Variants in STEAP3 observed in about 807,000 individuals in gnomAD.
The protein encoded by STEAP3 is metalloreductase STEAP3.
Under a neutral mutation model 34.9 loss-of-function variants are expected in STEAP3, and 35 were observed. That is an observed-to-expected ratio of 1.00 (90% confidence interval 0.76 to 1.33). The LOEUF is 1.33. STEAP3 is among the 40% of genes most tolerant of loss of function. The pLI is 0.00. For missense variants in STEAP3, 652 were observed against 667.6 expected (o/e 0.98, Z 0.26); for synonymous variants, 281 against 301.6 (o/e 0.93, Z 0.71).
At chr2:119,231,342 CGTGTGTGTGT>C (rs6146901) in intron 2 of STEAP3, among the ~76,000 whole-genome samples, 58,151 of 143,488 alleles carry the variant, frequency 0.41, 11,810 homozygotes, top group Admixed American at 0.52. Flanking sequence ...CACACAGTTG[CGTGTGTGTGT>C]GTGTGTGTGT....
At chr2:119,227,492 G>A (rs549335194) in intron 1 of STEAP3, among the ~76,000 whole-genome samples, 7 of 152,106 alleles carry the variant, frequency 4.6e-5, no homozygotes, top group East Asian at 3.9e-4. Flanking sequence ...CACAGTTACC[G>A]GGCAGCGTGG....
intron 4 of STEAP3, among the ~76,000 whole-genome samples, chr2:119,251,739 A>G (rs1677632272): frequency 6.6e-6 from 1 of 152,054 alleles, no homozygotes; most frequent in East Asian, 1.9e-4. Flanking sequence ...GTGACGTGTC[A>G]ACACTTGGGT....
chr2:119,259,524 C>G (rs1017211184), intron 5 of STEAP3, among the ~76,000 whole-genome samples: 1 of 152,198 alleles, frequency 6.6e-6, no homozygotes, highest in African/African-American at 2.4e-5. Context: ...GCTGTCTGCA[C>G]CATGGGATTT....
Position 119,263,478 on chromosome 2 carries a change from TG to T in STEAP3, c.*141del. On this transcript the variant is annotated 3_prime_UTR_variant, in exon 6 of 6. Transcript: ENST00000393110. Reference sequence around the variant, plus strand: ...GAGGTCCAAATTCCTGGGACTCAAATGTATGCAGTACTATTCAGAATGATAT... The same window carrying T: ...GAGGTCCAAATTCCTGGGACTCAAATTATGCAGTACTATTCAGAATGATAT... The T allele has an allele frequency of 9.7e-7, 1 of 1,034,730 alleles. No individual in the cohort carries two copies. The highest frequency in any genetic ancestry group is 1.6e-5 in the African/African-American group (1 of 63,348). 64.1% of individuals were successfully genotyped at this position (1,034,730 alleles called of 1,614,324 possible).
chr2:119,258,026 C>T (rs1416752619), intron 5 of STEAP3, among the ~76,000 whole-genome samples: 1 of 152,170 alleles, frequency 6.6e-6, no homozygotes, highest in Non-Finnish European at 1.5e-5. Flanking sequence ...GCTGCTTATA[C>T]TTATTGTTAC....
intron 3 of STEAP3, among the ~76,000 whole-genome samples, chr2:119,247,112 G>A (rs1677451854): frequency 6.6e-6 from 1 of 152,136 alleles, no homozygotes; most frequent in African/African-American, 2.4e-5. Flanking sequence ...GTGCCTGCAG[G>A]GGGACCTCGT....
At chr2:119,258,136 T>C (rs931725862) in intron 5 of STEAP3, among the ~76,000 whole-genome samples, 2 of 152,110 alleles carry the variant, frequency 1.3e-5, no homozygotes, top group African/African-American at 4.8e-5. Flanking sequence ...TTTTAGACCA[T>C]ATAGGGTAAC....
intron 1 of STEAP3, among the ~76,000 whole-genome samples, chr2:119,227,626 C>T (rs1679082122): frequency 6.6e-6 from 1 of 152,054 alleles, no homozygotes; most frequent in Admixed American, 6.6e-5. Context: ...TTATTAAACA[C>T]GTTAAAAAAA....
intron 1 of STEAP3, among the ~76,000 whole-genome samples, chr2:119,224,626 G>T (rs906279836): frequency 3.3e-5 from 5 of 152,326 alleles, no homozygotes; most frequent in Admixed American, 3.3e-4. Context: ...GGATCCGTGG[G>T]GAGAAGCAGG....
intron 1 of STEAP3, among the ~76,000 whole-genome samples, chr2:119,228,358 AG>A (rs1679107532): frequency 1.3e-5 from 2 of 152,130 alleles, no homozygotes; most frequent in South Asian, 2.1e-4. Flanking sequence ...GCTGGCATCC[AG>A]GGGGGCTTTC....
At chr2:119,248,274 A>G in intron 4 of STEAP3, 68 bp downstream of exon 4, 1 of 1,353,278 alleles carries the variant, frequency 7.4e-7, no homozygotes, top group Admixed American at 2.2e-5. Context: ...TCCCCCCCCC[A>G]CCAACCAGGT....
chr2:119,247,612 C>T, intron 3 of STEAP3, 67 bp from the exon 4 acceptor site: 1 of 1,463,620 alleles, frequency 6.8e-7, no homozygotes, highest in Non-Finnish European at 9.0e-7. Flanking sequence ...TCCTCAGCTG[C>T]TCAGTGAGGC....
At chr2:119,259,212 A>G (rs1677872401) in intron 5 of STEAP3, among the ~76,000 whole-genome samples, 1 of 152,284 alleles carries the variant, frequency 6.6e-6, no homozygotes, top group African/African-American at 2.4e-5. Flanking sequence ...TGCCGTAGTA[A>G]TTGAGCACCA....
chr2:119,241,392 C>T (rs1023436774), intron 2 of STEAP3, among the ~76,000 whole-genome samples: 1 of 152,156 alleles, frequency 6.6e-6, no homozygotes, highest in African/African-American at 2.4e-5. Flanking sequence ...AGGAAGAGGC[C>T]GCCTAGGGAG....
intron 5 of STEAP3, among the ~76,000 whole-genome samples, chr2:119,258,256 T>C (rs1180289164): frequency 6.8e-6 from 1 of 146,664 alleles, no homozygotes; most frequent in Admixed American, 6.8e-5. Context: ...GTCACTCTCG[T>C]TGCCATGTTG....
chr2:119,250,400 T>C (rs1314876919), intron 4 of STEAP3, among the ~76,000 whole-genome samples: 1 of 152,220 alleles, frequency 6.6e-6, no homozygotes, highest in Non-Finnish European at 1.5e-5. Context: ...CCCTCTTTTG[T>C]CCTCGAGGCC....
At chr2:119,254,893 GC>G (rs1191953702) in intron 5 of STEAP3, 45 bp downstream of exon 5, 1 of 1,594,498 alleles carries the variant, frequency 6.3e-7, no homozygotes, top group African/African-American at 1.3e-5. Context: ...CGTGGCCCTG[GC>G]CCACCTCTCA....
intron 3 of STEAP3, among the ~76,000 whole-genome samples, chr2:119,247,037 G>C (rs1677448711): frequency 6.6e-6 from 1 of 152,280 alleles, no homozygotes; most frequent in East Asian, 1.9e-4. Flanking sequence ...TGTGTTTGGA[G>C]ACTAAACTGA....
chr2:119,261,274 T>C (rs2104851598), intron 5 of STEAP3, among the ~76,000 whole-genome samples: 1 of 152,198 alleles, frequency 6.6e-6, no homozygotes, highest in South Asian at 2.1e-4. Context: ...TCTGGATTGA[T>C]GCCAACAAGC....
Sources: gnomAD v4.1 joint callset for allele counts (sites outside exome capture counted in the v4.1 genomes callset) on GRCh38, gnomAD v4.1.1 for gene constraint, MANE v1.5 for transcripts, NCBI Gene and HGNC (gene_info 2026-07-23, HGNC 2026-07-21) for gene names.